Variants in ZNF215 observed in about 807,000 individuals in gnomAD.
ZNF215 encodes BWSCR2-associated zinc finger protein 2.
Under a neutral mutation model 27.2 loss-of-function variants are expected in ZNF215, and 24 were observed. That is an observed-to-expected ratio of 0.88 (90% CI 0.64 to 1.24). The LOEUF (loss-of-function observed/expected upper bound fraction) is 1.24. Ranked by LOEUF, ZNF215 falls within the 50% of genes most tolerant of loss-of-function variation. The pLI is 0.00. For missense variants in ZNF215, 675 were observed against 605.7 expected (o/e 1.11, Z -1.20); for synonymous variants, 210 against 204.0 (o/e 1.03, Z -0.25).
In ZNF215 at chr11:6,932,278, G is replaced by T; in HGVS notation, c.6G>T (p.Gln2His). The T allele has an allele frequency of 6.2e-7, 1 of 1,613,284 alleles. No individual in the cohort carries two copies. Among genetic ancestry groups the T allele is most frequent in the Non-Finnish European group, 8.5e-7 (1 of 1,179,626 alleles). ...TGGGAGTTCTATTTAGGAAGATGCA[G>T]CCTCTGAGCAAGTTGATGGCTATCT... Reference protein sequence around the residue: MQPLSKLMAISK... With the variant: MHPLSKLMAISK... The change falls in exon 3 of 7, where the codon CAG (glutamine) becomes CAT (histidine). Residue 2 changes from glutamine to histidine, a missense_variant. Transcript: ENST00000278319.
downstream of ZNF215, among the ~76,000 whole-genome samples, chr11:6,958,604 G>A (rs759215254): frequency 3.3e-5 from 5 of 152,116 alleles, no homozygotes; most frequent in African/African-American, 1.2e-4. Flanking sequence ...AGAACCAATA[G>A]GATAAATGTA....
At chr11:6,994,016 A>C (rs1564983187) in intron 6 of ZNF215, among the ~76,000 whole-genome samples, 1 of 152,102 alleles carries the variant, frequency 6.6e-6, no homozygotes, top group Non-Finnish European at 1.5e-5. Flanking sequence ...TGCTGTTTAA[A>C]ATGGTCCCAA....
Position 6,932,093 on chromosome 11 carries a change from G to T in ZNF215, c.-179-1G>T. On this transcript the variant is annotated splice_acceptor_variant, in intron 2 of 6. Transcript: ENST00000278319. LOFTEE classifies it low-confidence loss of function (5UTR_SPLICE). ...GTGGGTTAATTTCTATCTTTTTTCAGTTGCTCAGGTACCTGAATATTGGCT... is the reference window on the plus strand; with the variant it reads ...GTGGGTTAATTTCTATCTTTTTTCATTTGCTCAGGTACCTGAATATTGGCT... 3.2e-6 allele frequency: 2 copies of T among 615,958 alleles called. No individual in the cohort carries two copies. Among genetic ancestry groups the T allele is most frequent in the South Asian group, 3.6e-5 (1 of 28,168 alleles). The allele number at this position is 615,958 out of a possible 1,614,324, so 38.2% of individuals were successfully genotyped here.
intron 6 of ZNF215, among the ~76,000 whole-genome samples, chr11:6,944,729 T>C (rs1217522877): frequency 6.6e-6 from 1 of 152,218 alleles, no homozygotes; most frequent in African/African-American, 2.4e-5. Context: ...TTGTTTGTAA[T>C]GTTTTATCTC....
At chr11:6,943,334 T>A in intron 5 of ZNF215, 119 bp downstream of exon 5, 1 of 1,429,562 alleles carries the variant, frequency 7.0e-7, no homozygotes, top group East Asian at 2.3e-5. Context: ...TTTGCTAATA[T>A]CCTTTGGACA....
chr11:6,961,351 C>T (rs1202905334), downstream of ZNF215, among the ~76,000 whole-genome samples: 1 of 152,070 alleles, frequency 6.6e-6, no homozygotes, highest in Non-Finnish European at 1.5e-5. Context: ...GAATTGGTAT[C>T]AGCTTGTAAG....
intron 5 of ZNF215, among the ~76,000 whole-genome samples, chr11:6,975,823 A>C (rs553004280): frequency 2.0e-5 from 3 of 152,248 alleles, no homozygotes; most frequent in South Asian, 4.1e-4. Flanking sequence ...AAGTGCAGAT[A>C]TTTCTTTGAT....
At chr11:6,955,506 T>G (rs1850297240) in intron 6 of ZNF215, among the ~76,000 whole-genome samples, 184 bp from the exon 7 acceptor site, 1 of 152,182 alleles carries the variant, frequency 6.6e-6, no homozygotes, top group Admixed American at 6.5e-5. Context: ...TTTTATTTAC[T>G]AACCTCCTTT....
At chr11:6,952,398 C>G (rs1353885648) in intron 6 of ZNF215, among the ~76,000 whole-genome samples, 2 of 152,094 alleles carry the variant, frequency 1.3e-5, no homozygotes, top group Non-Finnish European at 2.9e-5. Context: ...TCAGGACTTG[C>G]TTTATGAATC....
At chr11:6,954,529 G>A (rs1850236346) in intron 6 of ZNF215, among the ~76,000 whole-genome samples, 1 of 152,124 alleles carries the variant, frequency 6.6e-6, no homozygotes, top group East Asian at 1.9e-4. Context: ...GTGGGTGTAG[G>A]ACCCGAGCCA....
At chr11:6,991,090 T>G (rs1184020444), downstream of ZNF215, among the ~76,000 whole-genome samples, 1 of 152,242 alleles carries the variant, frequency 6.6e-6, no homozygotes, top group Admixed American at 6.5e-5. Context: ...AGCCTCATCA[T>G]GTGAGAAAAG....
intron 5 of ZNF215, among the ~76,000 whole-genome samples, chr11:6,973,467 G>A (rs1360228372): frequency 6.6e-6 from 1 of 152,174 alleles, no homozygotes; most frequent in East Asian, 1.9e-4. Flanking sequence ...CTGAGGAATT[G>A]CCACACTGTC....
chr11:6,942,686 C>G (rs1849671095), intron 4 of ZNF215, among the ~76,000 whole-genome samples: 2 of 152,128 alleles, frequency 1.3e-5, no homozygotes, highest in African/African-American at 4.8e-5. Context: ...CCAGCAGAGC[C>G]TACATTTTCA....
chr11:6,953,447 T>C (rs1208517343), intron 6 of ZNF215, among the ~76,000 whole-genome samples: 2 of 152,368 alleles, frequency 1.3e-5, no homozygotes, highest in African/African-American at 4.8e-5. Context: ...TTTATTCTTT[T>C]TTCTCTAAAC....
At chr11:6,966,667 C>G (rs1319429575) in intron 5 of ZNF215, among the ~76,000 whole-genome samples, 2 of 151,884 alleles carry the variant, frequency 1.3e-5, no homozygotes, top group Non-Finnish European at 2.9e-5. Flanking sequence ...CTTAGTCTGG[C>G]TACTGGTTTA....
In ZNF215 at chr11:6,970,753, G is replaced by A. The variant is rs538999075; in HGVS notation, c.806-13376G>A. 1.7e-3 allele frequency among the ~76,000 whole-genome samples: 257 copies of A among 152,216 alleles called. 2 individuals are homozygous for A. The highest frequency in any genetic ancestry group is 6.0e-3 in the African/African-American group (250 of 41,536). On this transcript the variant is annotated intron_variant, in intron 5 of 5. Coordinates refer to the ZNF215 transcript ENST00000529903. ...AACTTACCCTCTCTATCTCACCTGTGTCAGTGTGCAGATACCTACTACAAC... is the reference window on the plus strand; with the variant it reads ...AACTTACCCTCTCTATCTCACCTGTATCAGTGTGCAGATACCTACTACAAC...
intron 5 of ZNF215, among the ~76,000 whole-genome samples, chr11:6,969,529 T>G (rs1850681691): frequency 1.3e-5 from 2 of 152,146 alleles, no homozygotes; most frequent in Non-Finnish European, 2.9e-5. Context: ...AAATTTTGAC[T>G]TTGGAATCAT....
intron 4 of ZNF215, among the ~76,000 whole-genome samples, chr11:6,941,978 C>A (rs1414636435): frequency 6.6e-6 from 1 of 152,042 alleles, no homozygotes; most frequent in African/African-American, 2.4e-5. Context: ...TAGAAGAAAC[C>A]TCAAAGCATA....
intron 3 of ZNF215, among the ~76,000 whole-genome samples, chr11:6,936,884 T>C (rs1590049309): frequency 6.7e-6 from 1 of 149,958 alleles, no homozygotes; most frequent in East Asian, 1.9e-4. Flanking sequence ...AATGCCCTTT[T>C]ATGACCAAAA....
Sources: gnomAD v4.1 joint callset for allele counts (sites outside exome capture counted in the v4.1 genomes callset) on GRCh38, gnomAD v4.1.1 for gene constraint, MANE v1.5 for transcripts, NCBI Gene and HGNC (gene_info 2026-07-23, HGNC 2026-07-21) for gene names.